The following LRBA variants were observed in gnomAD, a reference collection of about 807,000 sequenced individuals.
LRBA encodes the protein LPS responsive beige-like anchor protein, also known as lipopolysaccharide-responsive and beige-like anchor protein.
Under a neutral mutation model 330.0 loss-of-function variants are expected in LRBA, and 176 were observed. The ratio of observed to expected loss-of-function variants is 0.53; its 90% CI spans 0.47 to 0.60. LRBA has a LOEUF of 0.60. Among genes scored for constraint, LRBA ranks in the 20% least tolerant of loss-of-function variants. The probability of loss-of-function intolerance (pLI) is 0.00; values close to 1 mark genes in which losing one functional copy is unlikely to be tolerated. For missense variants in LRBA, 3,259 were observed against 3,444.8 expected, an observed-to-expected ratio of 0.95 and a Z score of 1.35; for synonymous variants, 1,230 against 1,193.0, an observed-to-expected ratio of 1.03 and a Z score of -0.64.
At chr4:150,415,793 T>C (rs1747651958) in intron 46 of LRBA, among the ~76,000 whole-genome samples, 1 of 152,188 alleles carries the variant, frequency 6.6e-6, no homozygotes, top group Non-Finnish European at 1.5e-5. Flanking sequence ...AAGATCTTAC[T>C]GGTATAAATA....
chr4:150,780,855 C>T (rs1300035526), intron 34 of LRBA, among the ~76,000 whole-genome samples: 4 of 151,724 alleles, frequency 2.6e-5, no homozygotes, highest in Non-Finnish European at 2.9e-5. Flanking sequence ...AAGCACATTA[C>T]ATTTATCGTG....
chr4:150,802,039 AAATAAATAAATC>A (rs199657417), intron 33 of LRBA, among the ~76,000 whole-genome samples: 48,778 of 136,408 alleles, frequency 0.36, 9,536 homozygotes, highest in Non-Finnish European at 0.44. Flanking sequence ...ATAAATAAAT[AAATAAATAAATC>A]AATAAAATTT....
intron 18 of LRBA, 138 bp downstream of exon 18, chr4:150,872,525 G>A (rs1487992105): frequency 3.7e-6 from 2 of 539,990 alleles, no homozygotes; most frequent in East Asian, 6.8e-5. Context: ...ATGTACTAGT[G>A]GGATTACATT....
chr4:150,960,369 T>C (rs1283881818), intron 2 of LRBA, among the ~76,000 whole-genome samples: 1 of 148,866 alleles, frequency 6.7e-6, no homozygotes, highest in Non-Finnish European at 1.5e-5. Flanking sequence ...CATGTTAAAC[T>C]ACACCATGAA....
chr4:150,599,933 G>A (rs570942435), intron 37 of LRBA, among the ~76,000 whole-genome samples: 1 of 152,122 alleles, frequency 6.6e-6, no homozygotes, highest in African/African-American at 2.4e-5. Flanking sequence ...GCTATATGAT[G>A]TGCAATAATT....
intron 37 of LRBA, among the ~76,000 whole-genome samples, chr4:150,678,365 A>G (rs528754783): frequency 2.6e-5 from 4 of 152,190 alleles, no homozygotes; most frequent in Non-Finnish European, 5.9e-5. Context: ...TATAATACAT[A>G]CTACACAAGA....
intron 44 of LRBA, among the ~76,000 whole-genome samples, chr4:150,445,377 C>CTCTCTCTCTCTCTATATA (rs1454079183): frequency 2.5e-5 from 2 of 78,606 alleles, no homozygotes; most frequent in Middle Eastern, 0.012. Flanking sequence ...CTCTCTCTCT[C>CTCTCTCTCTCTCTATATA]TATATATATA....
intron 2 of LRBA, among the ~76,000 whole-genome samples, chr4:150,977,463 A>G (rs1177980058): frequency 2.6e-5 from 4 of 152,120 alleles, no homozygotes; most frequent in Non-Finnish European, 4.4e-5. Context: ...CTTGCTGACT[A>G]AAGAGCCCTT....
Position 150,905,883 on chromosome 4 carries a change from A to C in LRBA, c.1710T>G (p.Asp570Glu). 1 of 1,613,806 alleles carries C rather than the reference A, an allele frequency of 6.2e-7. No homozygotes were observed. Among genetic ancestry groups the C allele is most frequent in the Non-Finnish European group, 8.5e-7 (1 of 1,179,746 alleles). The change falls in exon 13 of 57, where the codon GAT becomes GAG. Residue 570 changes from aspartate (D) to glutamate (E), a missense_variant. By Grantham distance (45) the Asp-to-Glu change is conservative. Coordinates refer to ENST00000651943, the MANE Select transcript of LRBA (RefSeq NM_001364905.1). ...NGMPLLKQLCDHVLLNPAIWI... is the reference protein window; with the variant it reads ...NGMPLLKQLCEHVLLNPAIWI... ...ATATGGCAGGATTAAGAAGAACGTGATCACACAATTGCTTGAGCAGGGGCA... is the reference window on the plus strand; with the variant it reads ...ATATGGCAGGATTAAGAAGAACGTGCTCACACAATTGCTTGAGCAGGGGCA...
chr4:150,831,701 C>A, intron 29 of LRBA, 116 bp downstream of exon 29: 1 of 676,082 alleles, frequency 1.5e-6, no homozygotes, highest in South Asian at 3.6e-5. Flanking sequence ...TATATGTATG[C>A]TCTCCCTTAA....
Position 150,467,711 on chromosome 4 carries a change from C to A in LRBA, c.6742G>T (p.Asp2248Tyr). ...VITNYESEEL[D>Y]LTLPTNFRDL... ...CTGAAGTTGGTGGGCAAGGTAAGAT[C>A]CAGTTCTTCTGATTCATAATTAGTG... Residue 2248 changes from aspartate (D) to tyrosine (Y), a missense_variant, in exon 44 of 57, where the codon GAT (aspartate) becomes TAT (tyrosine). Asp to Tyr is a radical substitution (Grantham distance 160). Transcript: ENST00000651943. 1.2e-6 allele frequency: 2 copies of A among 1,608,646 alleles called. No individual in the cohort carries two copies.
chr4:150,969,074 G>GA (rs1212245292), intron 2 of LRBA, among the ~76,000 whole-genome samples: 1 of 152,126 alleles, frequency 6.6e-6, no homozygotes, highest in East Asian at 1.9e-4. Flanking sequence ...TCACTGCTCG[G>GA]AAAAAAAGAT....
chr4:150,817,919 A>T (rs1244227630), intron 30 of LRBA, among the ~76,000 whole-genome samples: 7 of 152,100 alleles, frequency 4.6e-5, no homozygotes, highest in Non-Finnish European at 8.8e-5. Flanking sequence ...GGCATTTTTA[A>T]TTGAAGTTGG....
At chr4:150,808,556 A>C (rs188309698) in intron 31 of LRBA, among the ~76,000 whole-genome samples, 158 bp from the exon 32 acceptor site, 6 of 152,282 alleles carry the variant, frequency 3.9e-5, no homozygotes, top group Admixed American at 3.9e-4. Context: ...TTAACAACTA[A>C]ATGCTTTCAT....
chr4:150,698,600 A>C lies in LRBA; in HGVS notation c.5755-14883T>G, dbSNP rs571341270. The stretch of plus-strand genomic sequence containing the variant: ...TATAGTAATAGTAAGCATCCGAGTA[A>C]AATAGCTGTTTTTTTAACCTGGTGC... On this transcript the variant is annotated intron_variant, in intron 36 of 56. Transcript: ENST00000651943. 3.2e-4 allele frequency among the ~76,000 whole-genome samples: 48 copies of C among 152,312 alleles called. No individual in the cohort carries two copies. In the Middle Eastern group the frequency reaches 0.014, roughly 43 times the overall value.
chr4:150,881,812 C>T (rs1379170458), intron 17 of LRBA, among the ~76,000 whole-genome samples: 4 of 152,146 alleles, frequency 2.6e-5, no homozygotes, highest in South Asian at 2.1e-4. Flanking sequence ...TAGGGCTGGG[C>T]GCGGTGGCTC....
chr4:150,401,453 C>G (rs1194697983), intron 47 of LRBA, among the ~76,000 whole-genome samples: 1 of 152,016 alleles, frequency 6.6e-6, no homozygotes, highest in Non-Finnish European at 1.5e-5. Flanking sequence ...CTTAAAGTCC[C>G]AGTTTCCAAG....
rs765698270 is a variant in LRBA, at chr4:150,868,201, T to C, written c.2554A>G (p.Asn852Asp). ...FLSDMIKLFN[N>D]SRENRRSLLQ... ...GCTTACCTCCTGTTTTCTCTACTGT[T>C]ATTAAAAAGTTTAATCATGTCAGAA... The change falls in exon 21 of 57, where the codon AAC becomes GAC. Residue 852 changes from asparagine (N) to aspartate (D), a missense_variant. Asn to Asp is a conservative substitution (Grantham distance 23). Coordinates refer to ENST00000651943, the MANE Select transcript of LRBA (RefSeq NM_001364905.1). 9.9e-6 allele frequency: 16 copies of C among 1,612,132 alleles called. No homozygotes were observed. The highest frequency in any genetic ancestry group is 1.3e-5 in the Non-Finnish European group (15 of 1,178,774).
At chr4:150,544,055 T>A (rs1475504282) in intron 40 of LRBA, among the ~76,000 whole-genome samples, 1 of 152,100 alleles carries the variant, frequency 6.6e-6, no homozygotes, top group Non-Finnish European at 1.5e-5. Flanking sequence ...AACTGGCATT[T>A]GTCTACCTGT....
Sources: allele counts gnomAD v4.1 joint callset (sites outside exome capture counted in the v4.1 genomes callset), GRCh38; gene constraint gnomAD v4.1.1; transcripts MANE v1.5; gene names NCBI Gene and HGNC (gene_info 2026-07-23, HGNC 2026-07-21).